The following PAG1 variants were observed in gnomAD, a reference collection of about 807,000 sequenced individuals.
The protein encoded by PAG1 is phosphoprotein membrane anchor with glycosphingolipid microdomains 1.
Under a neutral mutation model 31.7 loss-of-function variants are expected in PAG1, and 23 were observed. The ratio of observed to expected loss-of-function variants is 0.73; its 90% CI spans 0.52 to 1.03. The LOEUF (loss-of-function observed/expected upper bound fraction) is 1.03, where lower values mean the gene tolerates loss of function less well. Among genes scored for constraint, PAG1 ranks in the 50% least tolerant of loss-of-function variants. PAG1 has a pLI of 0.00. For synonymous variants in PAG1, 214 were observed against 210.3 expected, an observed-to-expected ratio of 1.02 and a Z score of -0.15; for missense variants, 473 against 540.7, an observed-to-expected ratio of 0.87 and a Z score of 1.24.
At chr8:81,068,360 G>A (rs1424565549) in intron 2 of PAG1, among the ~76,000 whole-genome samples, 1 of 152,156 alleles carries the variant, frequency 6.6e-6, no homozygotes, top group African/African-American at 2.4e-5. Flanking sequence ...ACTAAAGTTG[G>A]TGCAGATACT....
intron 2 of PAG1, chr8:81,039,507 C>T (rs1377228400): frequency 3.9e-5 from 6 of 152,190 alleles, no homozygotes; most frequent in Admixed American, 2.6e-4. Context: ...GAACACGGCC[C>T]TGCCGACGCT....
At chr8:81,108,602 C>T (rs1445010074) in intron 1 of PAG1, among the ~76,000 whole-genome samples, 1 of 151,898 alleles carries the variant, frequency 6.6e-6, no homozygotes, top group East Asian at 1.9e-4. Flanking sequence ...AGATTTTAAT[C>T]TCTAGAAATA....
At chr8:81,004,883 T>A (rs1057455995) in intron 3 of PAG1, among the ~76,000 whole-genome samples, 2 of 152,288 alleles carry the variant, frequency 1.3e-5, no homozygotes, top group African/African-American at 2.4e-5. Context: ...CTCCCACGCA[T>A]GCACTTGACC....
intron 8 of PAG1, among the ~76,000 whole-genome samples, 188 bp from the exon 9 acceptor site, chr8:80,977,094 A>G (rs1219321591): frequency 2.0e-5 from 3 of 152,130 alleles, no homozygotes; most frequent in African/African-American, 7.2e-5. Context: ...ATCTTCAACT[A>G]TGTTAACTAG....
chr8:81,100,979 A>AAC (rs1809601977), intron 1 of PAG1, among the ~76,000 whole-genome samples: 1 of 152,218 alleles, frequency 6.6e-6, no homozygotes, highest in African/African-American at 2.4e-5. Context: ...TATCTAGGAG[A>AAC]ACGATTTTGA....
intron 3 of PAG1, among the ~76,000 whole-genome samples, chr8:81,028,561 CTT>C (rs1808324309): frequency 6.6e-6 from 1 of 152,144 alleles, no homozygotes; most frequent in Non-Finnish European, 1.5e-5. Context: ...ATCTTAAAGA[CTT>C]TTTTCATGTA....
At chr8:81,043,655 A>T (rs1808592190) in intron 2 of PAG1, among the ~76,000 whole-genome samples, 1 of 152,198 alleles carries the variant, frequency 6.6e-6, no homozygotes, top group Non-Finnish European at 1.5e-5. Flanking sequence ...TGACATTACA[A>T]TGATTAGTCC....
chr8:81,060,030 C>T (rs555951126), intron 2 of PAG1, among the ~76,000 whole-genome samples: 2 of 151,472 alleles, frequency 1.3e-5, no homozygotes, highest in Admixed American at 1.3e-4. Context: ...AAAAAAAAAG[C>T]CTAAGTATTT....
intron 2 of PAG1, among the ~76,000 whole-genome samples, chr8:81,051,434 T>C (rs1023832318): frequency 2.6e-5 from 4 of 152,244 alleles, no homozygotes; most frequent in African/African-American, 7.2e-5. Flanking sequence ...CTTCTGTTCA[T>C]CTTCCCACCT....
At chr8:81,072,661 C>T (rs1279322281) in intron 1 of PAG1, among the ~76,000 whole-genome samples, 2 of 152,192 alleles carry the variant, frequency 1.3e-5, no homozygotes, top group South Asian at 2.1e-4. Flanking sequence ...CTATGTTGTG[C>T]CACTACACTC....
chr8:81,012,895 C>T (rs1394919011), intron 3 of PAG1, among the ~76,000 whole-genome samples: 3 of 152,202 alleles, frequency 2.0e-5, no homozygotes, highest in Admixed American at 6.5e-5. Flanking sequence ...TCTAAGTCTA[C>T]ATACCAGAAT....
At chr8:81,001,569 C>G (rs528249676) in intron 3 of PAG1, among the ~76,000 whole-genome samples, 2 of 152,248 alleles carry the variant, frequency 1.3e-5, no homozygotes, top group Admixed American at 6.5e-5. Context: ...CCCTCCAGGG[C>G]CCCCAAGAGG....
chr8:81,090,748 G>A (rs1809431014), intron 1 of PAG1, among the ~76,000 whole-genome samples: 1 of 152,154 alleles, frequency 6.6e-6, no homozygotes, highest in Admixed American at 6.5e-5. Context: ...CACACGTGAG[G>A]AACTCTGAGT....
chr8:81,033,769 C>A (rs1045322425), intron 2 of PAG1, among the ~76,000 whole-genome samples: 1 of 152,228 alleles, frequency 6.6e-6, no homozygotes, highest in African/African-American at 2.4e-5. Context: ...AGCCACCCAG[C>A]AGAACTGAAA....
intron 2 of PAG1, among the ~76,000 whole-genome samples, chr8:81,064,327 C>T (rs1808968439): frequency 6.6e-6 from 1 of 152,118 alleles, no homozygotes; most frequent in African/African-American, 2.4e-5. Context: ...TCTAATGCCA[C>T]CATTGATCTG....
chr8:81,084,453 C>A (rs1809320088), intron 1 of PAG1, among the ~76,000 whole-genome samples: 1 of 152,014 alleles, frequency 6.6e-6, no homozygotes, highest in Admixed American at 6.5e-5. Flanking sequence ...TTAAGAAAAT[C>A]AATTTTAAAA....
intron 3 of PAG1, among the ~76,000 whole-genome samples, chr8:81,025,165 T>A (rs1009515966): frequency 6.6e-6 from 1 of 152,022 alleles, no homozygotes; most frequent in African/African-American, 2.4e-5. Context: ...TTTTTTTTTT[T>A]ACCTCTCCTT....
At chr8:81,107,618 G>C (rs1446582579) in intron 1 of PAG1, among the ~76,000 whole-genome samples, 1 of 152,114 alleles carries the variant, frequency 6.6e-6, no homozygotes, top group Non-Finnish European at 1.5e-5. Flanking sequence ...GAGGATGAAG[G>C]GCAGTTCTTA....
At chr8:81,048,041 G>T (rs561305072) in intron 2 of PAG1, among the ~76,000 whole-genome samples, 3 of 152,260 alleles carry the variant, frequency 2.0e-5, no homozygotes, top group Admixed American at 1.3e-4. Context: ...CCTGTGGTTA[G>T]AACTTTCCAG....
Sources: allele counts gnomAD v4.1 joint callset (sites outside exome capture counted in the v4.1 genomes callset), GRCh38; gene constraint gnomAD v4.1.1; transcripts MANE v1.5; gene names NCBI Gene and HGNC (gene_info 2026-07-23, HGNC 2026-07-21).